PDSS2: variants seen among roughly 807,000 people sequenced by gnomAD.
The protein encoded by PDSS2 is decaprenyl diphosphate synthase subunit 2.
In PDSS2, 31 loss-of-function variants were observed where a neutral mutation model predicts 44.5. The observed-to-expected ratio is 0.70, with a 90% confidence interval of 0.52 to 0.94. PDSS2 has a LOEUF of 0.94. Ranked by LOEUF, PDSS2 falls within the 40% of genes least tolerant of loss-of-function variation. PDSS2 has a pLI of 0.00. For synonymous variants in PDSS2, 157 were observed against 180.3 expected, an observed-to-expected ratio of 0.87 and a Z score of 1.03; for missense variants, 452 against 482.2, an observed-to-expected ratio of 0.94 and a Z score of 0.59.
chr6:107,192,125 C>G (rs1304003704), intron 7 of PDSS2, among the ~76,000 whole-genome samples: 1 of 152,204 alleles, frequency 6.6e-6, no homozygotes, highest in Admixed American at 6.5e-5. Context: ...TTAAGATGCA[C>G]TGGGCTCTCA....
chr6:107,291,348 A>ATT (rs139519390), intron 2 of PDSS2, among the ~76,000 whole-genome samples: 1 of 132,442 alleles, frequency 7.6e-6, no homozygotes, highest in South Asian at 2.5e-4. Context: ...TTATTTTATA[A>ATT]TTTTTTTTTT....
In PDSS2 at chr6:107,370,001, G is replaced by GA. The variant is rs1025541494; in HGVS notation, c.297-35670dup. On this transcript the variant is annotated intron_variant, in intron 1 of 7. Coordinates refer to ENST00000369037, the MANE Select transcript of PDSS2 (RefSeq NM_020381.4). ...GACAGAGTAAGATGTGTTTCGCAAAGAAAAAAAAAAAACTACAGAAAGAAA... is the reference window on the plus strand; with the variant it reads ...GACAGAGTAAGATGTGTTTCGCAAAGAAAAAAAAAAAAACTACAGAAAGAAA... Among the ~76,000 whole-genome samples the GA allele has an allele frequency of 6.8e-3, 910 of 134,378 alleles. 5 individuals carry two copies. The highest frequency in any genetic ancestry group is 0.016 in the African/African-American group (591 of 36,774). 88.2% of individuals were successfully genotyped at this position (134,378 alleles called of 152,430 possible).
At chr6:107,203,479 C>T (rs908496423) in intron 6 of PDSS2, among the ~76,000 whole-genome samples, 1 of 152,076 alleles carries the variant, frequency 6.6e-6, no homozygotes, top group Non-Finnish European at 1.5e-5. Context: ...GATCTCCTTG[C>T]TTTTAGTATC....
At chr6:107,430,548 A>G (rs1305150513) in intron 1 of PDSS2, among the ~76,000 whole-genome samples, 1 of 151,942 alleles carries the variant, frequency 6.6e-6, no homozygotes, top group African/African-American at 2.4e-5. Context: ...GGTGGCTCAC[A>G]TCTGTAATCC....
intron 1 of PDSS2, among the ~76,000 whole-genome samples, chr6:107,397,994 T>C (rs1434881611): frequency 6.6e-6 from 1 of 152,114 alleles, no homozygotes. Flanking sequence ...CCACTCAAAA[T>C]ACAAAACAGA....
At chr6:107,157,234 GA>G (rs1312857365) in intron 7 of PDSS2, among the ~76,000 whole-genome samples, 1 of 151,960 alleles carries the variant, frequency 6.6e-6, no homozygotes, top group Non-Finnish European at 1.5e-5. Context: ...ACCCAGGCTG[GA>G]GCGCAGTGGT....
chr6:107,350,895 T>A (rs1333121095), intron 1 of PDSS2, among the ~76,000 whole-genome samples: 2 of 152,008 alleles, frequency 1.3e-5, no homozygotes, highest in Non-Finnish European at 2.9e-5. Flanking sequence ...AACAAAACAG[T>A]TCCACATTTA....
chr6:107,458,664 T>A (rs569725873), intron 1 of PDSS2, among the ~76,000 whole-genome samples: 29 of 149,330 alleles, frequency 1.9e-4, no homozygotes, highest in East Asian at 8.0e-4. Context: ...AAAAAAAAAA[T>A]TTCTAGGAAG....
chr6:107,207,978 GTTTTT>G (rs756043067), intron 6 of PDSS2, among the ~76,000 whole-genome samples: 4 of 67,562 alleles, frequency 5.9e-5, no homozygotes, highest in Admixed American at 4.8e-4. Context: ...TCTATGACTT[GTTTTT>G]TTTTTTTTTT....
At chr6:107,432,696 T>C (rs1223695126) in intron 1 of PDSS2, among the ~76,000 whole-genome samples, 1 of 152,128 alleles carries the variant, frequency 6.6e-6, no homozygotes. Flanking sequence ...AGGTGGAGGT[T>C]GCAGTGAGCC....
intron 2 of PDSS2, among the ~76,000 whole-genome samples, chr6:107,300,716 G>A (rs986769924): frequency 1.3e-5 from 2 of 152,134 alleles, no homozygotes; most frequent in African/African-American, 4.8e-5. Flanking sequence ...TGGGAGCTCT[G>A]TTTTCACTCT....
chr6:107,243,542 C>A (rs148984146), intron 4 of PDSS2, among the ~76,000 whole-genome samples: 1 of 152,170 alleles, frequency 6.6e-6, no homozygotes, highest in Non-Finnish European at 1.5e-5. Flanking sequence ...ATATAGATAT[C>A]TTATATGGAA....
At chr6:107,330,164 G>A (rs569078657) in intron 2 of PDSS2, among the ~76,000 whole-genome samples, 1 of 152,210 alleles carries the variant, frequency 6.6e-6, no homozygotes, top group South Asian at 2.1e-4. Context: ...CAGGGACACA[G>A]GCAACTTTCA....
chr6:107,398,905 TCTC>T (rs1562513510), intron 1 of PDSS2, among the ~76,000 whole-genome samples: 1 of 152,170 alleles, frequency 6.6e-6, no homozygotes, highest in Non-Finnish European at 1.5e-5. Flanking sequence ...TTTCAGTGTA[TCTC>T]CTCTTTTCTT....
chr6:107,281,203 A>G (rs1009083811), intron 2 of PDSS2, among the ~76,000 whole-genome samples: 1 of 152,016 alleles, frequency 6.6e-6, no homozygotes, highest in African/African-American at 2.4e-5. Flanking sequence ...TAAACCTCCT[A>G]AAGAGGGTTG....
At chr6:107,350,664 G>A (rs894762752) in intron 1 of PDSS2, among the ~76,000 whole-genome samples, 1 of 152,118 alleles carries the variant, frequency 6.6e-6, no homozygotes, top group Non-Finnish European at 1.5e-5. Context: ...GTGAAAATTA[G>A]CTGGGCATGG....
chr6:107,338,107 G>A (rs1299845762), intron 1 of PDSS2, among the ~76,000 whole-genome samples: 2 of 152,022 alleles, frequency 1.3e-5, no homozygotes, highest in Non-Finnish European at 2.9e-5. Context: ...GAAATAAGTG[G>A]ATAATGCCTA....
chr6:107,285,972 C>A (rs1582893006), intron 2 of PDSS2, among the ~76,000 whole-genome samples: 1 of 151,350 alleles, frequency 6.6e-6, no homozygotes, highest in African/African-American at 2.4e-5. Flanking sequence ...AAACCCCGTC[C>A]CTACTAAAAA....
At chr6:107,172,782 TCTTCTTCTTTTTTTTTTA>T (rs1562351297) in intron 7 of PDSS2, among the ~76,000 whole-genome samples, 1 of 151,198 alleles carries the variant, frequency 6.6e-6, no homozygotes, top group African/African-American at 2.4e-5. Context: ...TTTTTTTTTT[TCTTCTTCTTTTTTTTTTA>T]AAATGTGGCC....
Sources: allele counts gnomAD v4.1 joint callset (sites outside exome capture counted in the v4.1 genomes callset), GRCh38; gene constraint gnomAD v4.1.1; transcripts MANE v1.5; gene names NCBI Gene and HGNC (gene_info 2026-07-23, HGNC 2026-07-21).